Variants in PDE10A observed in about 807,000 individuals in gnomAD.
PDE10A encodes cAMP and cAMP-inhibited cGMP 3',5'-cyclic phosphodiesterase 10A.
PDE10A carries 39 observed loss-of-function variants against 97.7 expected under a neutral mutation model. The ratio of observed to expected loss-of-function variants is 0.40; its 90% CI spans 0.31 to 0.52. The LOEUF (loss-of-function observed/expected upper bound fraction) is 0.52, where lower values mean the gene tolerates loss of function less well. PDE10A is among the 20% of genes least tolerant of loss of function. The pLI, the probability that PDE10A is intolerant of heterozygous loss-of-function variation, is 0.56. For missense variants in PDE10A, 731 were observed against 1,047.8 expected, an observed-to-expected ratio of 0.70 and a Z score of 4.17; for synonymous variants, 371 against 376.8, an observed-to-expected ratio of 0.98 and a Z score of 0.18.
At position 165,519,999 on chromosome 6, in the gene PDE10A, A is replaced by G. The variant is rs115952986; in HGVS notation, c.994+23441T>C. On this transcript the variant is annotated intron_variant, in intron 2 of 21. Coordinates refer to ENST00000539869, the MANE Select transcript of PDE10A (RefSeq NM_001385079.1). ...AAATCAAGTAAGTGGAAAGGAACTCAGTGGCCTTCACTTTGCTTTTATTTC... is the reference window on the plus strand; with the variant it reads ...AAATCAAGTAAGTGGAAAGGAACTCGGTGGCCTTCACTTTGCTTTTATTTC... 7.0e-3 allele frequency among the ~76,000 whole-genome samples: 1,070 copies of G among 152,274 alleles called. 14 individuals are homozygous for G. The highest frequency in any genetic ancestry group is 0.024 in the African/African-American group (997 of 41,554).
At chr6:165,657,895 G>C (rs760581354) in intron 1 of PDE10A, among the ~76,000 whole-genome samples, 1 of 152,198 alleles carries the variant, frequency 6.6e-6, no homozygotes, top group African/African-American at 2.4e-5. Flanking sequence ...GGCTCTGCCG[G>C]AAGAAGTCAT....
chr6:165,832,902 T>C (rs529802583), intron 1 of PDE10A, among the ~76,000 whole-genome samples: 44 of 152,200 alleles, frequency 2.9e-4, no homozygotes, highest in Non-Finnish European at 5.0e-4. Flanking sequence ...AATACTGAGG[T>C]TGGCGAGGAC....
At chr6:165,821,970 G>A (rs1013098621) in intron 1 of PDE10A, among the ~76,000 whole-genome samples, 2 of 152,078 alleles carry the variant, frequency 1.3e-5, no homozygotes, top group East Asian at 1.9e-4. Context: ...AGGATGAGTC[G>A]TGGCATCGTC....
intron 1 of PDE10A, among the ~76,000 whole-genome samples, chr6:165,845,930 G>A (rs1780404512): frequency 6.6e-6 from 1 of 152,014 alleles, no homozygotes; most frequent in Non-Finnish European, 1.5e-5. Context: ...AAAACAAAAC[G>A]AAAAAACCCA....
At chr6:165,387,618 A>G (rs1313212680) in intron 17 of PDE10A, among the ~76,000 whole-genome samples, 1 of 152,218 alleles carries the variant, frequency 6.6e-6, no homozygotes, top group East Asian at 1.9e-4. Flanking sequence ...TCATTGGAAG[A>G]CCTAACGAGG....
chr6:165,390,245 C>T (rs958267294), intron 16 of PDE10A, among the ~76,000 whole-genome samples: 4 of 152,128 alleles, frequency 2.6e-5, no homozygotes, highest in African/African-American at 4.8e-5. Flanking sequence ...TCCCGGGATT[C>T]GATTGAAGAC....
upstream of PDE10A, among the ~76,000 whole-genome samples, chr6:165,664,434 C>T (rs112251885): frequency 0.02 from 2,971 of 152,260 alleles, 104 homozygotes; most frequent in African/African-American, 0.068. Flanking sequence ...TGGGGCTCCC[C>T]TCCCCCAGTA....
At chr6:165,775,678 A>G (rs1562730570) in intron 1 of PDE10A, 1 of 152,230 alleles carries the variant, frequency 6.6e-6, no homozygotes, top group Non-Finnish European at 1.5e-5. Flanking sequence ...TTACTGACCC[A>G]TGTTTTATTA....
In PDE10A at chr6:165,691,198, T is replaced by TA. The variant is rs1562687268; in HGVS notation, c.-614-147631_-614-147630insT. ...CTCTCTCTCTCTCTCCCTCTCTCTC[T>TA]CTCCCCACACACACACACACACACA... On this transcript the variant is annotated intron_variant, in intron 1 of 19. Coordinates refer to the PDE10A transcript ENST00000366882. 1.7e-3 allele frequency among the ~76,000 whole-genome samples: 93 copies of TA among 55,738 alleles called. 4 individuals carry two copies. The highest frequency in any genetic ancestry group is 6.6e-3 in the African/African-American group (82 of 12,386). The allele number at this position is 55,738 out of a possible 152,430, so 36.6% of individuals were successfully genotyped here. A position where few individuals can be genotyped will look rare whatever the true frequency, so the allele number is the denominator to read the frequency against.
At chr6:165,975,977 A>G (rs1162701479) in intron 1 of PDE10A, among the ~76,000 whole-genome samples, 3 of 152,226 alleles carry the variant, frequency 2.0e-5, no homozygotes, top group African/African-American at 7.2e-5. Context: ...TGTATTTTAG[A>G]CAATCAAATA....
intron 2 of PDE10A, among the ~76,000 whole-genome samples, chr6:165,519,153 C>T (rs1781990015): frequency 6.6e-6 from 1 of 152,030 alleles, no homozygotes; most frequent in African/African-American, 2.4e-5. Flanking sequence ...GAATAGGGAA[C>T]AAGTATTTTT....
rs796683577 is a variant in PDE10A, at chr6:165,758,564, G to A, written c.-614-214996C>T. Among the ~76,000 whole-genome samples the A allele has an allele frequency of 4.0e-4, 60 of 151,732 alleles. 1 individual carries two copies. The highest frequency in any genetic ancestry group is 1.4e-3 in the African/African-American group (58 of 41,388). On this transcript the variant is annotated intron_variant, in intron 1 of 19. Transcript: ENST00000366882. ...GGAAGAGGAAGAAGAAGAGGAAGAGGAAGAAGAAGAGGAAGAGGAAGAAGA... is the reference window on the plus strand; with the variant it reads ...GGAAGAGGAAGAAGAAGAGGAAGAGAAAGAAGAAGAGGAAGAGGAAGAAGA...
At chr6:165,676,128 C>A (rs1790788087) in intron 1 of PDE10A, among the ~76,000 whole-genome samples, 1 of 152,124 alleles carries the variant, frequency 6.6e-6, no homozygotes, top group Non-Finnish European at 1.5e-5. Flanking sequence ...AACTCAAAAC[C>A]AAGAAGTCAA....
chr6:165,704,176 T>G (rs1791649000), intron 1 of PDE10A, among the ~76,000 whole-genome samples: 5 of 151,872 alleles, frequency 3.3e-5, no homozygotes, highest in Admixed American at 3.3e-4. Context: ...AAACTGTGGG[T>G]GTTGTTGGCT....
chr6:165,981,497 A>C (rs1333783883), intron 1 of PDE10A, among the ~76,000 whole-genome samples: 1 of 152,130 alleles, frequency 6.6e-6, no homozygotes, highest in African/African-American at 2.4e-5. Context: ...GATGTCGGTC[A>C]TTTTCTTTCC....
chr6:165,648,234 G>A (rs1477481518), intron 1 of PDE10A, among the ~76,000 whole-genome samples: 2 of 151,832 alleles, frequency 1.3e-5, no homozygotes, highest in African/African-American at 2.4e-5. Flanking sequence ...GGATGGTCTC[G>A]ATCTCCTGAC....
intron 1 of PDE10A, among the ~76,000 whole-genome samples, chr6:165,659,459 C>T (rs1467049219): frequency 6.6e-6 from 1 of 152,172 alleles, no homozygotes; most frequent in African/African-American, 2.4e-5. Context: ...TGTCAGGCAG[C>T]AACAGACAGA....
intron 2 of PDE10A, among the ~76,000 whole-genome samples, chr6:165,498,566 C>G (rs1204152553): frequency 6.8e-6 from 1 of 147,286 alleles, no homozygotes; most frequent in African/African-American, 2.5e-5. Flanking sequence ...CAGATTCTAG[C>G]AATTCTCTGA....
chr6:165,724,825 C>T (rs1792252690), intron 1 of PDE10A, among the ~76,000 whole-genome samples: 1 of 152,200 alleles, frequency 6.6e-6, no homozygotes, highest in African/African-American at 2.4e-5. Flanking sequence ...CCATTTATGG[C>T]AGCAGCATCG....
Sources: gnomAD v4.1 joint callset for allele counts (sites outside exome capture counted in the v4.1 genomes callset) on GRCh38, gnomAD v4.1.1 for gene constraint, MANE v1.5 for transcripts, NCBI Gene and HGNC (gene_info 2026-07-23, HGNC 2026-07-21) for gene names.